The following WWOX variants were observed in gnomAD, a reference collection of about 807,000 sequenced individuals.
The protein encoded by WWOX is WW domain containing oxidoreductase, also known as WW domain-containing oxidoreductase.
WWOX carries 69 observed loss-of-function variants against 46.2 expected under a neutral mutation model. The observed-to-expected ratio is 1.49, with a 90% CI of 1.23 to 1.82. The LOEUF (loss-of-function observed/expected upper bound fraction) is 1.82, where lower values mean the gene tolerates loss of function less well. Among genes scored for constraint, WWOX ranks in the 40% most tolerant of loss-of-function variants. The pLI is 0.00. For synonymous variants in WWOX, 359 were observed against 202.6 expected (o/e 1.77, Z -6.56); for missense variants, 919 against 542.6 (o/e 1.69, Z -6.89).
intron 8 of WWOX, among the ~76,000 whole-genome samples, chr16:78,488,315 A>G (rs936678512): frequency 1.3e-5 from 2 of 152,122 alleles, no homozygotes; most frequent in Non-Finnish European, 2.9e-5. Flanking sequence ...CAGCAGTGAA[A>G]TAGGCTCAGT....
At chr16:78,823,200 C>T (rs1172632001) in intron 8 of WWOX, among the ~76,000 whole-genome samples, 1 of 152,216 alleles carries the variant, frequency 6.6e-6, no homozygotes, top group Non-Finnish European at 1.5e-5. Flanking sequence ...TGGAAACGGT[C>T]ACAGGGTCAG....
chr16:78,180,158 G>T (rs947282530), intron 5 of WWOX, among the ~76,000 whole-genome samples: 1 of 152,122 alleles, frequency 6.6e-6, no homozygotes, highest in African/African-American at 2.4e-5. Context: ...TATGTTAAAC[G>T]TATTTTATTC....
At chr16:78,934,508 CAAAAAAAAAA>C (rs760272326) in intron 8 of WWOX, among the ~76,000 whole-genome samples, 2 of 73,906 alleles carry the variant, frequency 2.7e-5, no homozygotes, top group African/African-American at 5.1e-5. Flanking sequence ...AACCCTGTAT[CAAAAAAAAAA>C]AAAAAAAAAA....
intron 8 of WWOX, among the ~76,000 whole-genome samples, chr16:79,186,132 C>G (rs1256060292): frequency 6.6e-6 from 1 of 151,994 alleles, no homozygotes; most frequent in Non-Finnish European, 1.5e-5. Flanking sequence ...GTCATATGTT[C>G]CTAAAGGATA....
In WWOX at chr16:78,344,761, C is replaced by A. The variant is rs186776265; in HGVS notation, c.517-42099C>A. Among the ~76,000 whole-genome samples the A allele has an allele frequency of 6.6e-5, 8 of 121,344 alleles. 4 individuals are homozygous for A. Among genetic ancestry groups the A allele is most frequent in the Non-Finnish European group, 1.6e-4 (8 of 50,650 alleles). The allele number at this position is 121,344 out of a possible 152,430, so 79.6% of individuals were successfully genotyped here. On this transcript the variant is annotated intron_variant, in intron 5 of 8. Transcript: ENST00000566780. ...CTTCCCAAGTCAGTTGCCATTTGGCCCTGATAAAGCTGTACTTTCTCACTT... is the reference window on the plus strand; with the variant it reads ...CTTCCCAAGTCAGTTGCCATTTGGCACTGATAAAGCTGTACTTTCTCACTT...
chr16:78,921,665 G>A (rs2045382873), intron 8 of WWOX, among the ~76,000 whole-genome samples: 1 of 152,130 alleles, frequency 6.6e-6, no homozygotes, highest in Non-Finnish European at 1.5e-5. Context: ...GAGAGGAATG[G>A]GTTCCTGGCA....
intron 8 of WWOX, among the ~76,000 whole-genome samples, chr16:79,137,138 T>G (rs760565222): frequency 6.6e-6 from 1 of 152,218 alleles, no homozygotes; most frequent in South Asian, 2.1e-4. Context: ...TGGAATGTTA[T>G]GGATCTCTGT....
At chr16:79,177,570 T>C (rs978779155) in intron 8 of WWOX, among the ~76,000 whole-genome samples, 1 of 152,166 alleles carries the variant, frequency 6.6e-6, no homozygotes, top group Admixed American at 6.5e-5. Flanking sequence ...CCGGCTCTTT[T>C]ATTTGAAAAT....
intron 4 of WWOX, among the ~76,000 whole-genome samples, chr16:78,153,338 A>G (rs1294490079): frequency 2.0e-5 from 3 of 152,320 alleles, no homozygotes; most frequent in East Asian, 3.9e-4. Flanking sequence ...TTTCATTTAC[A>G]TTAATCAGAT....
intron 8 of WWOX, among the ~76,000 whole-genome samples, chr16:79,066,949 A>C (rs2048452667): frequency 1.6e-5 from 2 of 124,078 alleles, no homozygotes; most frequent in Admixed American, 7.8e-5. Flanking sequence ...GCTTGTTGGC[A>C]GAGATGGCAG....
chr16:79,057,291 A>G (rs2048280943), intron 8 of WWOX, among the ~76,000 whole-genome samples: 1 of 152,210 alleles, frequency 6.6e-6, no homozygotes, highest in East Asian at 1.9e-4. Flanking sequence ...TCTCCCCAGC[A>G]TGGGGGCATG....
intron 8 of WWOX, among the ~76,000 whole-genome samples, chr16:79,065,735 A>C (rs2048429411): frequency 6.6e-6 from 1 of 152,196 alleles, no homozygotes; most frequent in Non-Finnish European, 1.5e-5. Context: ...GGCTGTTATC[A>C]TTCTTGCTTT....
intron 8 of WWOX, among the ~76,000 whole-genome samples, chr16:78,919,089 T>C (rs917609902): frequency 2.0e-5 from 3 of 152,148 alleles, no homozygotes; most frequent in Non-Finnish European, 4.4e-5. Flanking sequence ...TCATTTCCAA[T>C]TGAAATTAAT....
At chr16:78,837,639 T>C (rs923122614) in intron 8 of WWOX, among the ~76,000 whole-genome samples, 2 of 152,174 alleles carry the variant, frequency 1.3e-5, no homozygotes, top group African/African-American at 4.8e-5. Flanking sequence ...AAACTGTTTA[T>C]TGGTGAACCA....
intron 8 of WWOX, among the ~76,000 whole-genome samples, chr16:78,485,660 C>G (rs2084616208): frequency 6.6e-6 from 1 of 152,224 alleles, no homozygotes; most frequent in Non-Finnish European, 1.5e-5. Flanking sequence ...TGAAGGACAT[C>G]TGCTCACAAG....
At chr16:79,200,017 G>T (rs947169075) in intron 8 of WWOX, among the ~76,000 whole-genome samples, 2 of 152,182 alleles carry the variant, frequency 1.3e-5, no homozygotes, top group African/African-American at 4.8e-5. Context: ...AGACTGCCCC[G>T]GTGGTTGCTG....
At chr16:78,741,760 CAGG>C in intron 8 of WWOX, among the ~76,000 whole-genome samples, 1 of 152,160 alleles carries the variant, frequency 6.6e-6, no homozygotes, top group Non-Finnish European at 1.5e-5. Context: ...GAGGCTGAGG[CAGG>C]AGAATTGCTT....
At chr16:78,210,108 T>A (rs2036511533) in intron 5 of WWOX, among the ~76,000 whole-genome samples, 1 of 152,222 alleles carries the variant, frequency 6.6e-6, no homozygotes, top group African/African-American at 2.4e-5. Context: ...GACGCCGAGC[T>A]TCATCTATTT....
chr16:78,308,853 G>A (rs1284975327), intron 5 of WWOX, among the ~76,000 whole-genome samples: 2 of 152,046 alleles, frequency 1.3e-5, no homozygotes, highest in Non-Finnish European at 2.9e-5. Flanking sequence ...TTAACCAATT[G>A]CCAATCAGAA....
Sources: gnomAD v4.1 joint callset for allele counts (sites outside exome capture counted in the v4.1 genomes callset) on GRCh38, gnomAD v4.1.1 for gene constraint, MANE v1.5 for transcripts, NCBI Gene and HGNC (gene_info 2026-07-23, HGNC 2026-07-21) for gene names.